NCAM2: variants seen among roughly 807,000 people sequenced by gnomAD.
NCAM2 encodes neural cell adhesion molecule 2.
In NCAM2, 30 loss-of-function variants were observed where a neutral mutation model predicts 98.1. The observed-to-expected ratio is 0.31, with a 90% CI of 0.23 to 0.41. The LOEUF (loss-of-function observed/expected upper bound fraction) is 0.41, where lower values mean the gene tolerates loss of function less well. Among genes scored for constraint, NCAM2 ranks in the 10% least tolerant of loss-of-function variants. NCAM2 has a pLI of 1.00. For missense variants in NCAM2, 867 were observed against 1,005.8 expected, an observed-to-expected ratio of 0.86 and a Z score of 1.87; for synonymous variants, 368 against 342.4, an observed-to-expected ratio of 1.07 and a Z score of -0.83.
intron 3 of NCAM2, among the ~76,000 whole-genome samples, chr21:21,285,877 T>C (rs999535224): frequency 1.3e-5 from 2 of 151,894 alleles, no homozygotes; most frequent in African/African-American, 4.8e-5. Context: ...TGCTATTTTA[T>C]ATAGGCAGGT....
At chr21:21,167,351 T>TA (rs1290721736) in intron 1 of NCAM2, among the ~76,000 whole-genome samples, 2 of 152,122 alleles carry the variant, frequency 1.3e-5, no homozygotes, top group Non-Finnish European at 2.9e-5. Context: ...TATAATGGTT[T>TA]ACTCTTTGGT....
rs2063960684 is a variant in NCAM2 at position 20,998,562 on chromosome 21, A to G, written c.-2A>G. 1.9e-6 allele frequency: 3 copies of G among 1,613,992 alleles called. No homozygotes were observed. Among genetic ancestry groups the G allele is most frequent in the Non-Finnish European group, 2.5e-6 (3 of 1,179,916 alleles). On this transcript the variant is annotated 5_prime_UTR_variant, in exon 1 of 18. Coordinates refer to ENST00000400546, the MANE Select transcript of NCAM2 (RefSeq NM_004540.5). ...ACTGTCCACCGGTGTCACGTCCTGA[A>G]CATGAGCCTCCTCCTCTCCTTCTAC... is the stretch of plus-strand genomic sequence containing the variant.
intron 1 of NCAM2, among the ~76,000 whole-genome samples, chr21:21,124,148 G>T (rs978140871): frequency 1.3e-5 from 2 of 151,902 alleles, no homozygotes; most frequent in African/African-American, 4.8e-5. Context: ...CGCCCGTCCT[G>T]ATTGCTTTCT....
intron 12 of NCAM2, among the ~76,000 whole-genome samples, chr21:21,464,598 A>G (rs1335203240): frequency 6.6e-6 from 1 of 152,138 alleles, no homozygotes; most frequent in African/African-American, 2.4e-5. Flanking sequence ...AACAAAAGGA[A>G]GCATCAAAAC....
intron 1 of NCAM2, among the ~76,000 whole-genome samples, chr21:21,272,891 C>G (rs1024364766): frequency 7.2e-6 from 1 of 139,358 alleles, no homozygotes; most frequent in African/African-American, 2.7e-5. Context: ...AATGTATTAG[C>G]AAATATGTTT....
intron 5 of NCAM2, among the ~76,000 whole-genome samples, chr21:21,305,296 C>T (rs796168227): frequency 2.1e-4 from 32 of 151,972 alleles, no homozygotes; most frequent in African/African-American, 7.2e-4. Flanking sequence ...CCAGCCTGGG[C>T]GATAGAGCAA....
chr21:21,340,384 G>A (rs2074992284), intron 8 of NCAM2, among the ~76,000 whole-genome samples: 1 of 151,900 alleles, frequency 6.6e-6, no homozygotes, highest in African/African-American at 2.4e-5. Flanking sequence ...CAAGTAACAA[G>A]AAAGCTGTTA....
intron 1 of NCAM2, among the ~76,000 whole-genome samples, chr21:21,020,057 G>A (rs761866423): frequency 6.6e-6 from 1 of 151,710 alleles, no homozygotes; most frequent in African/African-American, 2.4e-5. Context: ...TTCTTTTTGA[G>A]ATGCTGTCTC....
At chr21:21,328,067 C>T (rs1267317291) in intron 6 of NCAM2, among the ~76,000 whole-genome samples, 2 of 152,068 alleles carry the variant, frequency 1.3e-5, no homozygotes, top group Non-Finnish European at 2.9e-5. Context: ...CCCACTTAAT[C>T]ATGATACACA....
At chr21:21,305,228 G>A (rs569698955) in intron 5 of NCAM2, among the ~76,000 whole-genome samples, 2 of 152,276 alleles carry the variant, frequency 1.3e-5, no homozygotes, top group South Asian at 4.1e-4. Flanking sequence ...TGAGGCATGA[G>A]AATTGCTTGA....
At chr21:21,242,252 A>ATGT (rs199983904) in intron 1 of NCAM2, among the ~76,000 whole-genome samples, 258 of 3,148 alleles carry the variant, frequency 0.082, 11 homozygotes, top group East Asian at 0.5. Flanking sequence ...ATGTGATACA[A>ATGT]CATGCTTTGA....
At chr21:21,351,222 ATTAGT>A (rs2075331607) in intron 8 of NCAM2, among the ~76,000 whole-genome samples, 1 of 150,840 alleles carries the variant, frequency 6.6e-6, no homozygotes, top group African/African-American at 2.4e-5. Context: ...ACTTTTAATT[ATTAGT>A]TTATTTTAAA....
At chr21:21,229,771 G>C (rs1384170128) in intron 1 of NCAM2, among the ~76,000 whole-genome samples, 1 of 151,236 alleles carries the variant, frequency 6.6e-6, no homozygotes, top group Non-Finnish European at 1.5e-5. Flanking sequence ...TCTTGTATCA[G>C]TTATTGTTCC....
chr21:21,463,879 GGTGA>G (rs1983327034), intron 12 of NCAM2: 1 of 151,862 alleles, frequency 6.6e-6, no homozygotes, highest in African/African-American at 2.4e-5. Flanking sequence ...GGGTATGTGG[GGTGA>G]GTATCATCTT....
At chr21:21,190,931 TAC>T (rs1279006349) in intron 1 of NCAM2, among the ~76,000 whole-genome samples, 2 of 152,182 alleles carry the variant, frequency 1.3e-5, no homozygotes, top group Non-Finnish European at 2.9e-5. Flanking sequence ...TGTTATAAAT[TAC>T]AGTTAGTTGG....
intron 5 of NCAM2, among the ~76,000 whole-genome samples, chr21:21,320,731 C>G (rs1201624134): frequency 2.0e-5 from 3 of 152,048 alleles, no homozygotes; most frequent in Non-Finnish European, 2.9e-5. Flanking sequence ...TATTAAAATA[C>G]TAGTCATTCT....
At chr21:21,247,861 G>C (rs1216960534) in intron 1 of NCAM2, among the ~76,000 whole-genome samples, 1 of 152,130 alleles carries the variant, frequency 6.6e-6, no homozygotes, top group Admixed American at 6.5e-5. Context: ...AGTAGAATTT[G>C]TTTTCCTGCC....
At chr21:21,275,719 A>T (rs1014490050) in intron 1 of NCAM2, among the ~76,000 whole-genome samples, 7 of 152,096 alleles carry the variant, frequency 4.6e-5, no homozygotes, top group Non-Finnish European at 8.8e-5. Context: ...ATCTTTTCTT[A>T]CATCTATTCT....
intron 1 of NCAM2, among the ~76,000 whole-genome samples, chr21:21,117,484 T>C (rs776009763): frequency 2.6e-5 from 4 of 152,196 alleles, no homozygotes; most frequent in Non-Finnish European, 5.9e-5. Flanking sequence ...ACAACTTGTA[T>C]TGATCAACAG....
Sources: allele counts gnomAD v4.1 joint callset (sites outside exome capture counted in the v4.1 genomes callset), GRCh38; gene constraint gnomAD v4.1.1; transcripts MANE v1.5; gene names NCBI Gene and HGNC (gene_info 2026-07-23, HGNC 2026-07-21).